The following TANGO6 variants were observed in gnomAD, a reference collection of about 807,000 sequenced individuals.
The protein encoded by TANGO6 is transport and golgi organization 6 homolog.
A neutral mutation model predicts 114.2 loss-of-function variants in TANGO6; 90 were observed. The observed-to-expected ratio is 0.79, with a 90% confidence interval of 0.66 to 0.94. The LOEUF (loss-of-function observed/expected upper bound fraction) is 0.94. TANGO6 is among the 40% of genes least tolerant of loss of function. TANGO6 has a pLI of 0.00. For synonymous variants in TANGO6, 477 were observed against 509.8 expected, an observed-to-expected ratio of 0.94 and a Z score of 0.87; for missense variants, 1,274 against 1,315.3, an observed-to-expected ratio of 0.97 and a Z score of 0.49.
At chr16:69,080,258 C>T (rs1432952263) in intron 17 of TANGO6, among the ~76,000 whole-genome samples, 5 of 152,002 alleles carry the variant, frequency 3.3e-5, no homozygotes, top group African/African-American at 1.2e-4. Context: ...CACAACAGAG[C>T]GTAGAATATA....
Position 68,984,048 on chromosome 16 carries a change from A to G in TANGO6, c.2842+9880A>G, listed in dbSNP as rs181663045. On this transcript the variant is annotated intron_variant, in intron 15 of 17. Coordinates refer to ENST00000261778, the MANE Select transcript of TANGO6 (RefSeq NM_024562.2). ...ACTCCGTCTCAAAAAGAAAAAAAAA[A>G]AAAAAAGAAAAATAGCTTTTGTATG... 4.3e-3 allele frequency among the ~76,000 whole-genome samples: 651 copies of G among 151,056 alleles called. 8 individuals are homozygous for G. Among genetic ancestry groups the G allele is most frequent in the Non-Finnish European group, 8.1e-3 (551 of 67,980 alleles).
rs777745466 is a variant in TANGO6, at chr16:68,843,582, C to T, written c.-36C>T. On this transcript the variant is annotated 5_prime_UTR_variant, in exon 1 of 18. Transcript: ENST00000261778. Reference sequence around the variant, plus strand: ...CGGCGGCGGCGCCCTGCCGAGGCGCCTGAGCGGGTCGCGAGCGTGGTGTTA... The same window carrying T: ...CGGCGGCGGCGCCCTGCCGAGGCGCTTGAGCGGGTCGCGAGCGTGGTGTTA... The T allele has an allele frequency of 5.0e-6, 8 of 1,603,484 alleles. No homozygotes were observed. The highest frequency in any genetic ancestry group is 1.7e-5 in the Admixed American group (1 of 59,152).
At chr16:69,020,608 C>A (rs1959384556) in intron 15 of TANGO6, among the ~76,000 whole-genome samples, 1 of 152,078 alleles carries the variant, frequency 6.6e-6, no homozygotes, top group African/African-American at 2.4e-5. Context: ...TATAGGTCAT[C>A]ATTTGGTGAT....
chr16:68,951,492 A>T (rs1963470948), intron 14 of TANGO6, among the ~76,000 whole-genome samples: 1 of 152,186 alleles, frequency 6.6e-6, no homozygotes. Context: ...TGCTTGGCCA[A>T]CCAGTATGTA....
intron 12 of TANGO6, among the ~76,000 whole-genome samples, chr16:68,925,755 A>T (rs1234589012): frequency 6.6e-6 from 1 of 152,052 alleles, no homozygotes; most frequent in Non-Finnish European, 1.5e-5. Flanking sequence ...TTTGACAGTT[A>T]GGTTTATGAT....
chr16:68,957,030 T>C (rs1963536586), intron 14 of TANGO6, among the ~76,000 whole-genome samples: 1 of 152,084 alleles, frequency 6.6e-6, no homozygotes, highest in Admixed American at 6.6e-5. Context: ...TGAAAGCATA[T>C]CTCCTATGGA....
intron 4 of TANGO6, chr16:68,867,647 C>T (rs1962200295): frequency 6.4e-6 from 1 of 156,936 alleles, no homozygotes; most frequent in Admixed American, 6.4e-5. Context: ...CAAGACCAGC[C>T]TGGCCAACAT....
At chr16:68,954,301 C>G (rs1036011756) in intron 14 of TANGO6, among the ~76,000 whole-genome samples, 5 of 140,278 alleles carry the variant, frequency 3.6e-5, no homozygotes, top group African/African-American at 1.1e-4. Context: ...GGATGCGAAA[C>G]AGCAAAGCAG....
At chr16:68,931,199 A>T (rs928835915) in intron 14 of TANGO6, among the ~76,000 whole-genome samples, 3 of 152,174 alleles carry the variant, frequency 2.0e-5, no homozygotes, top group Non-Finnish European at 4.4e-5. Context: ...AGCGAGGTAC[A>T]GTCAACAGAC....
chr16:69,034,722 C>T (rs184519217), intron 16 of TANGO6: 18 of 152,268 alleles, frequency 1.2e-4, no homozygotes, highest in Admixed American at 9.8e-4. Context: ...CAGATTTGGG[C>T]ACTGTCTGCT....
At chr16:68,930,717 C>A (rs552455755) in intron 14 of TANGO6, among the ~76,000 whole-genome samples, 1 of 149,986 alleles carries the variant, frequency 6.7e-6, no homozygotes, top group Non-Finnish European at 1.5e-5. Context: ...CTCACTGCAA[C>A]CTCTGCCTCC....
chr16:68,847,427 T>G (rs1961830228), intron 1 of TANGO6, among the ~76,000 whole-genome samples: 1 of 152,186 alleles, frequency 6.6e-6, no homozygotes, highest in Non-Finnish European at 1.5e-5. Flanking sequence ...CAAGTAGATG[T>G]TATTTTCATC....
chr16:69,075,062 G>A (rs779613981), intron 17 of TANGO6, among the ~76,000 whole-genome samples: 2 of 151,824 alleles, frequency 1.3e-5, no homozygotes, highest in East Asian at 1.9e-4. Context: ...GGCTGGTCTC[G>A]AACTCCTGAG....
intron 15 of TANGO6, among the ~76,000 whole-genome samples, chr16:69,016,546 T>G (rs1959300964): frequency 6.6e-6 from 1 of 152,230 alleles, no homozygotes; most frequent in Non-Finnish European, 1.5e-5. Flanking sequence ...CTACCAAGAA[T>G]TGTAAAATTA....
chr16:68,991,223 A>G (rs146387312), intron 15 of TANGO6, among the ~76,000 whole-genome samples: 2 of 152,214 alleles, frequency 1.3e-5, no homozygotes, highest in South Asian at 4.1e-4. Flanking sequence ...TAGACTTGCC[A>G]TGATGGCCAT....
At chr16:68,980,070 ACTC>A (rs1301465584) in intron 15 of TANGO6, among the ~76,000 whole-genome samples, 4 of 150,500 alleles carry the variant, frequency 2.7e-5, no homozygotes, top group African/African-American at 9.8e-5. Flanking sequence ...CTGGTCTCGA[ACTC>A]CTGACCTCGT....
intron 17 of TANGO6, among the ~76,000 whole-genome samples, chr16:69,082,274 T>C (rs1043729923): frequency 6.6e-6 from 1 of 152,036 alleles, no homozygotes; most frequent in African/African-American, 2.4e-5. Flanking sequence ...TGGCAAATTT[T>C]TGTATTTTTG....
chr16:69,043,207 CAG>C (rs949162525), intron 17 of TANGO6, among the ~76,000 whole-genome samples: 1 of 151,676 alleles, frequency 6.6e-6, no homozygotes, highest in African/African-American at 2.4e-5. Flanking sequence ...GTCTGGGCGA[CAG>C]AGAGAGACTC....
rs199936993 is a variant in TANGO6 at position 68,959,591 on chromosome 16, TAAAATAAAATA to T, written c.2702-14427_2702-14417del. The stretch of plus-strand genomic sequence containing the variant: ...TACAGAGCAAGACTCCATCTCAAAA[TAAAATAAAATA>T]AAAATAAAAATAAATAAGGAAAAAA... On this transcript the variant is annotated intron_variant, in intron 14 of 17. Coordinates refer to ENST00000261778, the MANE Select transcript of TANGO6 (RefSeq NM_024562.2). Among the ~76,000 whole-genome samples the T allele has an allele frequency of 8.6e-5, 13 of 151,848 alleles. No homozygotes were observed. The East Asian group carries it at 2.5e-3, about 29-fold the overall frequency.
Sources: allele counts gnomAD v4.1 joint callset (sites outside exome capture counted in the v4.1 genomes callset), GRCh38; gene constraint gnomAD v4.1.1; transcripts MANE v1.5; gene names NCBI Gene and HGNC (gene_info 2026-07-23, HGNC 2026-07-21).